TSC22D2: variants seen among roughly 807,000 people sequenced by gnomAD.
TSC22D2 encodes the protein TSC22 domain family protein 2.
In TSC22D2, 5 loss-of-function variants were observed where a neutral mutation model predicts 50.1. The ratio of observed to expected loss-of-function variants is 0.10; its 90% CI spans 0.05 to 0.21. TSC22D2 has a LOEUF of 0.21. Ranked by LOEUF, TSC22D2 falls within the 10% of genes least tolerant of loss-of-function variation. The pLI, the probability that TSC22D2 is intolerant of heterozygous loss-of-function variation, is 1.00. For synonymous variants in TSC22D2, 501 were observed against 450.1 expected (o/e 1.11, Z -1.43); for missense variants, 1,003 against 1,015.5 (o/e 0.99, Z 0.17).
intron 1 of TSC22D2, among the ~76,000 whole-genome samples, chr3:150,439,673 A>AT (rs199832428): frequency 0.042 from 6,278 of 151,270 alleles, 158 homozygotes; most frequent in Middle Eastern, 0.075. Flanking sequence ...CATTTGTCAG[A>AT]TTTTTTTTTC....
chr3:150,413,761 T>C (rs1401145356), intron 1 of TSC22D2, among the ~76,000 whole-genome samples: 1 of 152,066 alleles, frequency 6.6e-6, no homozygotes, highest in Non-Finnish European at 1.5e-5. Context: ...AATCTGCATG[T>C]TTTCAAATTT....
chr3:150,434,073 A>G (rs1211508137), intron 1 of TSC22D2, among the ~76,000 whole-genome samples: 3 of 152,212 alleles, frequency 2.0e-5, no homozygotes, highest in African/African-American at 7.2e-5. Context: ...TCTGTCTCAA[A>G]TAAATGTATA....
intron 1 of TSC22D2, among the ~76,000 whole-genome samples, chr3:150,453,846 C>A (rs1489060233): frequency 6.6e-6 from 1 of 152,122 alleles, no homozygotes; most frequent in African/African-American, 2.4e-5. Context: ...AGTTATGGAA[C>A]CTTTCTCAAA....
chr3:150,441,284 A>G (rs1413699545), intron 1 of TSC22D2, among the ~76,000 whole-genome samples: 1 of 152,176 alleles, frequency 6.6e-6, no homozygotes, highest in African/African-American at 2.4e-5. Flanking sequence ...TAGATTTTCA[A>G]TAGTTTTTAA....
At chr3:150,426,876 C>G (rs1720209915) in intron 1 of TSC22D2, among the ~76,000 whole-genome samples, 1 of 152,116 alleles carries the variant, frequency 6.6e-6, no homozygotes, top group South Asian at 2.1e-4. Context: ...CTTATTACCT[C>G]TAATTTTAAA....
intron 1 of TSC22D2, among the ~76,000 whole-genome samples, chr3:150,417,914 A>G (rs1719873077): frequency 1.3e-5 from 2 of 152,076 alleles, no homozygotes; most frequent in South Asian, 2.1e-4. Flanking sequence ...TGGCTCTTCT[A>G]TCATTTAGCT....
chr3:150,438,186 A>C (rs959131684), intron 1 of TSC22D2: 2 of 411,046 alleles, frequency 4.9e-6, no homozygotes, highest in Non-Finnish European at 1.0e-5. Context: ...ATTTACTTAA[A>C]CTCTTTGCTA....
Position 150,461,605 on chromosome 3 carries a change from A to G in TSC22D2, c.*2969A>G, listed in dbSNP as rs1317740372. 2 of 152,226 alleles carry G rather than the reference A, an allele frequency of 1.3e-5. No homozygotes were observed. The highest frequency in any genetic ancestry group is 2.9e-5 in the Non-Finnish European group (2 of 68,042). The allele number at this position is 152,226 out of a possible 1,614,324, so 9.4% of individuals were successfully genotyped here. A position where few individuals can be genotyped will look rare whatever the true frequency, so the allele number is the denominator to read the frequency against. On this transcript the variant is annotated 3_prime_UTR_variant, in exon 3 of 3. Transcript: ENST00000688009. ...ATGTGATCTCACAGCTTGCCACACC[A>G]AAAACAAATAGTAGGGGTTAGGAGG... is the stretch of plus-strand genomic sequence containing the variant.
intron 1 of TSC22D2, among the ~76,000 whole-genome samples, chr3:150,424,818 A>G (rs1720126863): frequency 6.6e-6 from 1 of 152,244 alleles, no homozygotes; most frequent in Non-Finnish European, 1.5e-5. Flanking sequence ...CAGATCAGCC[A>G]TTCTTCACTG....
At chr3:150,456,105 C>T (rs988548850) in intron 1 of TSC22D2, among the ~76,000 whole-genome samples, 1 of 151,782 alleles carries the variant, frequency 6.6e-6, no homozygotes, top group Non-Finnish European at 1.5e-5. Context: ...ACCACACATA[C>T]CTTATAGGTG....
At position 150,409,713 on chromosome 3, in the gene TSC22D2, G is replaced by A; in HGVS notation, c.363G>A (p.Leu121=). 6.3e-7 allele frequency: 1 copy of A among 1,591,142 alleles called. No homozygotes were observed. Among genetic ancestry groups the A allele is most frequent in the Non-Finnish European group, 8.5e-7 (1 of 1,172,988 alleles). The change falls in exon 1 of 3, where the codon CTG becomes CTA. Residue 121 remains leucine (L), a synonymous_variant. Coordinates refer to ENST00000688009, the MANE Select transcript of TSC22D2 (RefSeq NM_001303264.2). This position sits in a 1 kb window ranked among gnomAD's most constrained non-coding sequence, Gnocchi z 7.4. ...TGTCTGGGGCGCTCGCCAGTACCCT[G>A]GCGGCGGCTGCCACTTCGGCCCCCG... ...RSVSGALAST[L]AAAATSAPAP... is the part of the protein sequence containing the mutation.
At chr3:150,437,008 C>T (rs1720565849) in intron 1 of TSC22D2, among the ~76,000 whole-genome samples, 1 of 152,096 alleles carries the variant, frequency 6.6e-6, no homozygotes, top group Non-Finnish European at 1.5e-5. Flanking sequence ...TTTCTTTCCC[C>T]CATCCCTTCC....
chr3:150,410,990 TCAG>T lies in TSC22D2; in HGVS notation c.1644_1646del (p.Ser548del), dbSNP rs746253708. 3.1e-6 allele frequency: 5 copies of T among 1,614,068 alleles called. No homozygotes were observed. In the African/African-American group the frequency reaches 5.3e-5, roughly 17 times the overall value. Reference sequence around the variant, plus strand: ...CAACAGCTGAGCAGCCATACGCCAGTCAGCAGGAGCAGCAGCATAATCCAGCAT... The same window carrying T: ...CAACAGCTGAGCAGCCATACGCCAGTCAGGAGCAGCAGCATAATCCAGCAT... On this transcript the variant is annotated inframe_deletion, in exon 1 of 3. Transcript: ENST00000688009.
Position 150,410,900 on chromosome 3 carries a change from G to C in TSC22D2, c.1550G>C (p.Ser517Thr). 1 of 1,614,082 alleles carries C rather than the reference G, an allele frequency of 6.2e-7. No homozygotes were observed. Among genetic ancestry groups the C allele is most frequent in the Non-Finnish European group, 8.5e-7 (1 of 1,180,038 alleles). ...PNVPAAVPAPSVPSVSTTSVT... is the reference protein window; with the variant it reads ...PNVPAAVPAPTVPSVSTTSVT... ...GTGCCTGCAGCCGTGCCCGCTCCAA[G>C]CGTGCCTAGTGTGTCTACCACTTCT... Residue 517 changes from serine (S) to threonine (T), a missense_variant, in exon 1 of 3, where the codon AGC (serine) becomes ACC (threonine). Physicochemically the swap from Ser to Thr is moderately conservative, Grantham distance 58. Around this residue, in one of 6 missense-constraint regions of TSC22D2, gnomAD observed 696 missense variants for 647.8 expected, o/e 1.07. Transcript: ENST00000688009.
chr3:150,409,433 A>T lies in TSC22D2; in HGVS notation c.83A>T (p.Glu28Val). Residue 28 changes from glutamate (E) to valine (V), a missense_variant, in exon 1 of 3, where the codon GAG (glutamate) becomes GTG (valine). Coordinates refer to ENST00000688009, the MANE Select transcript of TSC22D2 (RefSeq NM_001303264.2). This position sits in a 1 kb window ranked among gnomAD's most constrained non-coding sequence, Gnocchi z 7.4. ...TTAQVATSIT[E>V]DTESLDDPDE... is the part of the protein sequence containing the mutation. ...GCCCAGGTGGCCACTAGCATCACCG[A>T]GGACACCGAGAGCTTGGACGACCCG... The T allele has an allele frequency of 2.5e-6, 4 of 1,613,540 alleles. No individual in the cohort carries two copies. The highest frequency in any genetic ancestry group is 3.4e-6 in the Non-Finnish European group (4 of 1,179,846).
At position 150,410,367 on chromosome 3, in the gene TSC22D2, T is replaced by C. The variant is rs61734437; in HGVS notation, c.1017T>C (p.Pro339=). The change falls in exon 1 of 3, where the codon CCT becomes CCC. Residue 339 remains proline (P), a synonymous_variant. Transcript: ENST00000688009. The part of the protein sequence containing the change: ...VTLAQPAMSL[P]PQPGPAVGAP... ...TGGCGCAGCCGGCTATGTCCCTGCC[T>C]CCGCAGCCGGGCCCTGCAGTGGGCG... The C allele has an allele frequency of 0.18, 290,135 of 1,600,172 alleles. 28,984 individuals carry two copies. Among genetic ancestry groups the C allele is most frequent in the Non-Finnish European group, 0.21 (247,913 of 1,173,526 alleles).
At position 150,463,589 on chromosome 3, in the gene TSC22D2, T is replaced by G. The variant is rs1041975270; in HGVS notation, c.*4953T>G. On this transcript the variant is annotated 3_prime_UTR_variant, in exon 3 of 3. Coordinates refer to ENST00000688009, the MANE Select transcript of TSC22D2 (RefSeq NM_001303264.2). Reference sequence around the variant, plus strand: ...AAATGTATGGCTTTCCTTCATAGGTTGCAAGGATTACTTTATACAAGTGCT... The same window carrying G: ...AAATGTATGGCTTTCCTTCATAGGTGGCAAGGATTACTTTATACAAGTGCT... 1 of 152,218 alleles carries G rather than the reference T, an allele frequency of 6.6e-6. No individual in the cohort carries two copies. Among genetic ancestry groups the G allele is most frequent in the Non-Finnish European group, 1.5e-5 (1 of 68,048 alleles). The allele number at this position is 152,218 out of a possible 1,614,324, so 9.4% of individuals were successfully genotyped here.
intron 1 of TSC22D2, among the ~76,000 whole-genome samples, chr3:150,415,136 G>A (rs1254707966): frequency 1.3e-5 from 2 of 152,070 alleles, no homozygotes; most frequent in Admixed American, 1.3e-4. Flanking sequence ...ATTCATAAAC[G>A]TGGCTTGAAA....
Position 150,465,456 on chromosome 3 carries a change from A to C in TSC22D2, c.*6820A>C, listed in dbSNP as rs1479509677. 6.6e-6 allele frequency: 1 copy of C among 152,218 alleles called. No individual in the cohort carries two copies. Among genetic ancestry groups the C allele is most frequent in the African/African-American group, 2.4e-5 (1 of 41,464 alleles). 9.4% of individuals were successfully genotyped at this position (152,218 alleles called of 1,614,324 possible). On this transcript the variant is annotated 3_prime_UTR_variant, in exon 3 of 3. Transcript: ENST00000688009. ...AAACAGGAATACATTGCTAGTGAGC[A>C]TACAAATTGGCACAGCCTCTTTTAA... is the stretch of plus-strand genomic sequence containing the variant.
Sources: allele counts gnomAD v4.1 joint callset (sites outside exome capture counted in the v4.1 genomes callset), GRCh38; gene constraint gnomAD v4.1.1; regional missense constraint gnomAD v4.1.1; non-coding constraint Gnocchi (gnomAD v3.1); transcripts MANE v1.5; gene names NCBI Gene and HGNC (gene_info 2026-07-23, HGNC 2026-07-21).